The following CCDC7 variants were observed in gnomAD, a reference collection of about 807,000 sequenced individuals.
The protein encoded by CCDC7 is coiled-coil domain-containing protein 7.
A neutral mutation model predicts 196.9 loss-of-function variants in CCDC7; 183 were observed. That is an observed-to-expected ratio of 0.93 (90% CI 0.82 to 1.05). The LOEUF (loss-of-function observed/expected upper bound fraction) is 1.05. Ranked by LOEUF, CCDC7 falls within the 50% of genes least tolerant of loss-of-function variation. CCDC7 has a pLI of 0.00. For missense variants in CCDC7, 1,540 were observed against 1,482.2 expected (o/e 1.04, Z -0.64); for synonymous variants, 525 against 484.6 (o/e 1.08, Z -1.10).
intron 24 of CCDC7, among the ~76,000 whole-genome samples, chr10:32,711,096 ATAT>A (rs1489593777): frequency 3.9e-5 from 6 of 151,930 alleles, no homozygotes; most frequent in Non-Finnish European, 7.4e-5. Flanking sequence ...ACCATAATTG[ATAT>A]TATACCATTG....
Position 32,494,315 on chromosome 10 carries a change from T to A in CCDC7, c.872+2318T>A, listed in dbSNP as rs146989439. Reference sequence around the variant, plus strand: ...CTAATTATGTGTTTTTGGACATTTGTCAAAGATCAGTTGATCATATATATG... The same window carrying A: ...CTAATTATGTGTTTTTGGACATTTGACAAAGATCAGTTGATCATATATATG... On this transcript the variant is annotated intron_variant, in intron 9 of 41. Transcript: ENST00000639629. Among the ~76,000 whole-genome samples, 182 of 152,258 alleles carry A rather than the reference T, an allele frequency of 1.2e-3. 1 individual carries two copies. The highest frequency in any genetic ancestry group is 4.2e-3 in the African/African-American group (175 of 41,560).
At chr10:32,565,013 A>G (rs1001149134) in intron 13 of CCDC7, among the ~76,000 whole-genome samples, 1 of 151,868 alleles carries the variant, frequency 6.6e-6, no homozygotes, top group Non-Finnish European at 1.5e-5. Context: ...AAATCTGCCT[A>G]CTCTTGATTG....
In CCDC7 at chr10:32,846,443, A is replaced by C. The variant is rs146319159; in HGVS notation, c.3672A>C (p.Gln1224His). 13 of 1,594,824 alleles carry C rather than the reference A, an allele frequency of 8.2e-6. No individual in the cohort carries two copies. The East Asian group carries it at 2.9e-4, about 36-fold the overall frequency. ...TAATAAAGGGACCAATCAGTGCACA[A>C]TTAAAGAGTCACCAGGGTAAGAAAA... The change falls in exon 37 of 42, where the codon CAA becomes CAC. Residue 1224 changes from glutamine (Q) to histidine (H), a missense_variant. By Grantham distance (24) the Gln-to-His change is conservative (BLOSUM62 0). Transcript: ENST00000639629.
intron 28 of CCDC7, among the ~76,000 whole-genome samples, chr10:32,776,011 C>G (rs2079966987): frequency 6.8e-6 from 1 of 147,426 alleles, no homozygotes; most frequent in East Asian, 2.0e-4. Context: ...AATCATCATT[C>G]TCAGTAAACT....
At chr10:32,462,701 A>G in exon 4 of CCDC7, 1 of 1,457,540 alleles carries the variant, frequency 6.9e-7, no homozygotes, top group Non-Finnish European at 9.3e-7. Context: ...ATCTCTTTTT[A>G]AGGTACGTTC....
intron 28 of CCDC7, among the ~76,000 whole-genome samples, chr10:32,732,198 A>T (rs1220519299): frequency 1.4e-4 from 21 of 152,212 alleles, no homozygotes; most frequent in Non-Finnish European, 1.5e-5. Flanking sequence ...GAAATAGCAG[A>T]TGAAAATCTT....
intron 13 of CCDC7, among the ~76,000 whole-genome samples, chr10:32,561,704 A>G (rs1423529511): frequency 2.0e-5 from 3 of 152,272 alleles, no homozygotes; most frequent in East Asian, 1.9e-4. Context: ...AGCAGGAAAG[A>G]TCTAAAATGG....
rs940112378 is a variant in CCDC7 at position 32,666,143 on chromosome 10, CAAA to C, written c.2122+1983_2122+1985del. Among the ~76,000 whole-genome samples, 7 of 132,924 alleles carry C rather than the reference CAAA, an allele frequency of 5.3e-5. No homozygotes were observed. In the Admixed American group the frequency reaches 5.5e-4, roughly 10 times the overall value. 87.2% of individuals were successfully genotyped at this position (132,924 alleles called of 152,430 possible). On this transcript the variant is annotated intron_variant, in intron 21 of 41. Transcript: ENST00000639629. ...TTCTTTTTTTTTTTTTTTTCATTGA[CAAA>C]GAAGTTTCACCGGTGTTATTTAGTC...
intron 28 of CCDC7, among the ~76,000 whole-genome samples, chr10:32,761,332 A>G (rs2077436929): frequency 6.6e-6 from 1 of 152,022 alleles, no homozygotes; most frequent in African/African-American, 2.4e-5. Flanking sequence ...TACAGAACAA[A>G]GAGAGCACTG....
chr10:32,658,718 C>A (rs2070537270), intron 20 of CCDC7, among the ~76,000 whole-genome samples: 1 of 152,090 alleles, frequency 6.6e-6, no homozygotes, highest in South Asian at 2.1e-4. Context: ...CATCGATGAA[C>A]CTGGAGGATA....
At chr10:32,555,872 T>C (rs1253163609) in intron 13 of CCDC7, among the ~76,000 whole-genome samples, 1 of 152,234 alleles carries the variant, frequency 6.6e-6, no homozygotes, top group Non-Finnish European at 1.5e-5. Flanking sequence ...TTTATTCCTA[T>C]GTCTGACGTT....
At chr10:32,715,187 C>A (rs569233452) in intron 25 of CCDC7, among the ~76,000 whole-genome samples, 60 of 152,324 alleles carry the variant, frequency 3.9e-4, no homozygotes, top group African/African-American at 1.2e-3. Context: ...TGGGACAAAG[C>A]TTCCAGAGGA....
chr10:32,665,265 T>G (rs191136464), intron 21 of CCDC7, among the ~76,000 whole-genome samples: 14 of 152,162 alleles, frequency 9.2e-5, no homozygotes, highest in Admixed American at 5.9e-4. Flanking sequence ...AATAGGCTAT[T>G]TATTCCTACT....
chr10:32,810,724 G>A (rs76040660), intron 30 of CCDC7, among the ~76,000 whole-genome samples: 2,995 of 152,078 alleles, frequency 0.02, 98 homozygotes, highest in African/African-American at 0.067. Context: ...CATTCTTCTC[G>A]TCAGCACATG....
At chr10:32,686,288 T>C (rs1465757715) in intron 22 of CCDC7, among the ~76,000 whole-genome samples, 1 of 152,234 alleles carries the variant, frequency 6.6e-6, no homozygotes, top group East Asian at 1.9e-4. Context: ...GTAGCCATGA[T>C]CATGTGCTCA....
chr10:32,574,780 A>G (rs964766183), intron 16 of CCDC7, among the ~76,000 whole-genome samples: 3 of 152,194 alleles, frequency 2.0e-5, no homozygotes, highest in Admixed American at 2.0e-4. Context: ...TTCTTTCTAA[A>G]TACTTTCATT....
At chr10:32,558,341 G>T (rs1177048929) in intron 13 of CCDC7, among the ~76,000 whole-genome samples, 2 of 152,074 alleles carry the variant, frequency 1.3e-5, no homozygotes, top group East Asian at 1.9e-4. Context: ...TTAGGTAGCA[G>T]CTCACATTGC....
chr10:32,528,661 T>TATAC (rs1554824541), intron 11 of CCDC7, among the ~76,000 whole-genome samples: 2 of 124,634 alleles, frequency 1.6e-5, no homozygotes, highest in Non-Finnish European at 3.3e-5. Context: ...TATATATATA[T>TATAC]ACACACACAT....
At chr10:32,762,983 A>G (rs1565433194) in intron 28 of CCDC7, among the ~76,000 whole-genome samples, 1 of 151,952 alleles carries the variant, frequency 6.6e-6, no homozygotes, top group Non-Finnish European at 1.5e-5. Context: ...CCAAGAGCAC[A>G]GGACACAAAA....
Sources: allele counts gnomAD v4.1 joint callset (sites outside exome capture counted in the v4.1 genomes callset), GRCh38; gene constraint gnomAD v4.1.1; transcripts MANE v1.5; gene names NCBI Gene and HGNC (gene_info 2026-07-23, HGNC 2026-07-21).